ATP2B2: variants seen among roughly 807,000 people sequenced by gnomAD.
ATP2B2 encodes the protein ATPase plasma membrane Ca2+ transporting 2, also known as plasma membrane calcium-transporting ATPase 2.
In ATP2B2, 15 loss-of-function variants were observed where a neutral mutation model predicts 120.0. The observed-to-expected ratio is 0.12, with a 90% CI of 0.08 to 0.19. The LOEUF is 0.19. Ranked by LOEUF, ATP2B2 falls within the 10% of genes least tolerant of loss-of-function variation. The probability of loss-of-function intolerance (pLI) is 1.00; values close to 1 mark genes in which losing one functional copy is unlikely to be tolerated. For synonymous variants in ATP2B2, 694 were observed against 700.3 expected (o/e 0.99, Z 0.14); for missense variants, 1,045 against 1,719.8 (o/e 0.61, Z 6.94).
At position 10,541,580 on chromosome 3, in the gene ATP2B2, T is replaced by A. The variant is rs551064930; in HGVS notation, c.-414-7447A>T. Among the ~76,000 whole-genome samples, 138 of 152,372 alleles carry A rather than the reference T, an allele frequency of 9.1e-4. 3 individuals are homozygous for A. Among genetic ancestry groups the A allele is most frequent in the Admixed American group, 3.5e-3 (54 of 15,312 alleles). Reference sequence around the variant, plus strand: ...TAAGTGATTGGATATTTTCCAAATATCTTTCTGTTATTGACTTCTGGTTTG... The same window carrying A: ...TAAGTGATTGGATATTTTCCAAATAACTTTCTGTTATTGACTTCTGGTTTG... On this transcript the variant is annotated intron_variant, in intron 2 of 21. Transcript: ENST00000646379.
chr3:10,347,849 G>T lies in ATP2B2; in HGVS notation c.2405-1712C>A, dbSNP rs2060472544. ...TGGCCTGACTGTGTGCAGTCACCAGGGGCCTCCCTGTGGCTGCTTCCTATG... is the reference window on the plus strand; with the variant it reads ...TGGCCTGACTGTGTGCAGTCACCAGTGGCCTCCCTGTGGCTGCTTCCTATG... On this transcript the variant is annotated intron_variant, in intron 16 of 22. Coordinates refer to ENST00000360273, the MANE Select transcript of ATP2B2 (RefSeq NM_001001331.4). The surrounding 1 kb of genome is among the most constrained non-coding windows in gnomAD (Gnocchi z 5.2). Among the ~76,000 whole-genome samples the T allele has an allele frequency of 6.6e-6, 1 of 152,130 alleles. No homozygotes were observed.
At chr3:10,488,479 CTTCCTTCCTTCCTTCCTTCCTTCCTTCG>C (rs2065806185) in intron 1 of ATP2B2, among the ~76,000 whole-genome samples, 1 of 98,108 alleles carries the variant, frequency 1.0e-5, no homozygotes, top group East Asian at 3.3e-4. Flanking sequence ...TCCTTCCTTC[CTTCCTTCCTTCCTTCCTTCCTTCCTTCG>C]TTCCTTCCTT....
intron 1 of ATP2B2, among the ~76,000 whole-genome samples, chr3:10,667,102 C>G (rs2070960288): frequency 6.6e-6 from 1 of 152,216 alleles, no homozygotes; most frequent in African/African-American, 2.4e-5. Context: ...TCTTGGGCCT[C>G]AGTTTCTCTG....
intron 8 of ATP2B2, 73 bp downstream of exon 8, chr3:10,385,195 A>C: frequency 6.8e-7 from 1 of 1,474,690 alleles, no homozygotes; most frequent in Non-Finnish European, 9.5e-7. Flanking sequence ...ACAAGGAAAG[A>C]AAGCCCAAAG....
intron 3 of ATP2B2, among the ~76,000 whole-genome samples, chr3:10,517,175 G>A (rs562791744): frequency 2.3e-4 from 35 of 152,312 alleles, no homozygotes; most frequent in Admixed American, 1.2e-3. Context: ...CTGCCAGCTC[G>A]GTGCAGGCCA....
chr3:10,361,116 G>C (rs574260310), intron 12 of ATP2B2, among the ~76,000 whole-genome samples: 1 of 152,202 alleles, frequency 6.6e-6, no homozygotes, highest in African/African-American at 2.4e-5. Context: ...TTGCTGAGTG[G>C]TATTTCATGG....
At chr3:10,669,537 G>A (rs2071038270) in intron 1 of ATP2B2, among the ~76,000 whole-genome samples, 1 of 152,174 alleles carries the variant, frequency 6.6e-6, no homozygotes, top group Non-Finnish European at 1.5e-5. Flanking sequence ...CACCTGGGGA[G>A]TTACAAATAC....
intron 1 of ATP2B2, chr3:10,707,775 C>G (rs567789669): frequency 1.3e-5 from 2 of 151,994 alleles, no homozygotes; most frequent in Non-Finnish European, 2.9e-5. Context: ...AAGACACGCT[C>G]CGGCTCACGC....
chr3:10,369,222 G>T (rs895506100), intron 12 of ATP2B2, among the ~76,000 whole-genome samples: 3 of 152,178 alleles, frequency 2.0e-5, no homozygotes, highest in African/African-American at 7.2e-5. Context: ...TCCTGTCCTG[G>T]TTTGGAGGGT....
chr3:10,639,747 T>G (rs1221438027), intron 1 of ATP2B2, among the ~76,000 whole-genome samples: 1 of 152,116 alleles, frequency 6.6e-6, no homozygotes, highest in East Asian at 1.9e-4. Context: ...CGGTGACTGC[T>G]GGAACCATGG....
At chr3:10,354,881 C>A (rs1330900567) in intron 14 of ATP2B2, among the ~76,000 whole-genome samples, 1 of 152,172 alleles carries the variant, frequency 6.6e-6, no homozygotes, top group Non-Finnish European at 1.5e-5. Flanking sequence ...AGGGAGTTCA[C>A]CTGTGAGATT....
rs559876486 is a variant in ATP2B2 at position 10,535,193 on chromosome 3, C to T, written c.-414-1060G>A. Among the ~76,000 whole-genome samples the T allele has an allele frequency of 5.3e-5, 8 of 152,134 alleles. 1 individual carries two copies. The highest frequency in any genetic ancestry group is 3.9e-4 in the East Asian group (2 of 5,168). On this transcript the variant is annotated intron_variant, in intron 2 of 21. Transcript: ENST00000646379. ...TGCTAGGATTACAGGCATGAGCCACCGCCCCCAGCCCTATTTGTAACTTTT... is the reference window on the plus strand; with the variant it reads ...TGCTAGGATTACAGGCATGAGCCACTGCCCCCAGCCCTATTTGTAACTTTT...
intron 2 of ATP2B2, among the ~76,000 whole-genome samples, chr3:10,555,400 C>T (rs1464331529): frequency 2.0e-5 from 3 of 152,260 alleles, no homozygotes; most frequent in African/African-American, 7.2e-5. Flanking sequence ...CTCCCCTTCA[C>T]CTAGAAAACT....
At chr3:10,554,576 C>T (rs1051171254) in intron 2 of ATP2B2, among the ~76,000 whole-genome samples, 11 of 152,170 alleles carry the variant, frequency 7.2e-5, no homozygotes, top group Admixed American at 5.2e-4. Flanking sequence ...TCTTCTCCCC[C>T]GCAGCCTCCA....
chr3:10,388,392 C>G lies in ATP2B2; in HGVS notation c.792G>C (p.Val264=), dbSNP rs761156356. The G allele has an allele frequency of 6.2e-7, 1 of 1,614,178 alleles. No homozygotes were observed. The highest frequency in any genetic ancestry group is 8.5e-7 in the Non-Finnish European group (1 of 1,180,040). The part of the protein sequence containing the change: ...KDPMLLSGTH[V]MEGSGRMLVT... ...CCAACATCCGTCCTGAGCCCTCCAT[C>G]ACGTGGGTTCCTGGGAAAGGGGACA... The change falls in exon 6 of 23, where the codon GTG becomes GTC. Residue 264 remains valine, a synonymous_variant. Transcript: ENST00000360273.
At chr3:10,435,234 G>C (rs562608140) in intron 2 of ATP2B2, among the ~76,000 whole-genome samples, 2 of 152,300 alleles carry the variant, frequency 1.3e-5, no homozygotes, top group East Asian at 1.9e-4. Context: ...ACCGGAGCAT[G>C]GGGCAGCACT....
rs370179615 is a variant in ATP2B2 at position 10,424,948 on chromosome 3, G to T, written c.200-14133C>A. On this transcript the variant is annotated intron_variant, in intron 2 of 22. Coordinates refer to ENST00000360273, the MANE Select transcript of ATP2B2 (RefSeq NM_001001331.4). ...GTGGTATCTCTGGGGAAGGGAAAGG[G>T]CACTATGATTAGTTGCAGTGGTTTA... is the stretch of plus-strand genomic sequence containing the variant. 1.3e-4 allele frequency among the ~76,000 whole-genome samples: 20 copies of T among 152,282 alleles called. No individual in the cohort carries two copies. In the East Asian group the frequency reaches 3.9e-3, roughly 29 times the overall value.
chr3:10,403,875 C>T (rs1204797240), intron 3 of ATP2B2, among the ~76,000 whole-genome samples: 1 of 152,250 alleles, frequency 6.6e-6, no homozygotes, highest in African/African-American at 2.4e-5. Flanking sequence ...GGCCTGTTCA[C>T]TCTCCCTGAG....
Position 10,470,955 on chromosome 3 carries a change from G to C in ATP2B2, c.-319-21093C>G, listed in dbSNP as rs368797217. ...CCCACTGACAGCACGGGGGACAACA[G>C]GCCTTGCCTCAGAGCGATGGCTGGA... On this transcript the variant is annotated intron_variant, in intron 1 of 22. Transcript: ENST00000360273. Among the ~76,000 whole-genome samples the C allele has an allele frequency of 3.3e-5, 5 of 152,350 alleles. 1 individual carries two copies. Among genetic ancestry groups the C allele is most frequent in the African/African-American group, 1.2e-4 (5 of 41,588 alleles).
Sources: allele counts gnomAD v4.1 joint callset (sites outside exome capture counted in the v4.1 genomes callset), GRCh38; gene constraint gnomAD v4.1.1; non-coding constraint Gnocchi (gnomAD v3.1); transcripts MANE v1.5; gene names NCBI Gene and HGNC (gene_info 2026-07-23, HGNC 2026-07-21).